Variants in PPP1R14C observed in about 807,000 individuals in gnomAD.
PPP1R14C encodes the protein protein phosphatase 1 regulatory inhibitor subunit 14C, also known as protein phosphatase 1 regulatory subunit 14C.
A neutral mutation model predicts 20.4 loss-of-function variants in PPP1R14C; 16 were observed. That is an observed-to-expected ratio of 0.78 (90% CI 0.53 to 1.19). The LOEUF (loss-of-function observed/expected upper bound fraction) is 1.19, where lower values mean the gene tolerates loss of function less well. Among genes scored for constraint, PPP1R14C ranks in the 50% most tolerant of loss-of-function variants. The probability of loss-of-function intolerance (pLI) is 0.00; values close to 1 mark genes in which losing one functional copy is unlikely to be tolerated. For missense variants in PPP1R14C, 211 were observed against 220.1 expected (o/e 0.96, Z 0.26); for synonymous variants, 91 against 91.0 (o/e 1.00, Z 0.00).
chr6:150,220,695 A>G (rs1428983336), intron 3 of PPP1R14C, among the ~76,000 whole-genome samples: 1 of 152,232 alleles, frequency 6.6e-6, no homozygotes, highest in East Asian at 1.9e-4. Flanking sequence ...TTGGACTTGC[A>G]GATTTCTCTT....
chr6:150,186,099 C>T (rs9384228), intron 1 of PPP1R14C, among the ~76,000 whole-genome samples: 5,139 of 152,152 alleles, frequency 0.034, 163 homozygotes, highest in East Asian at 0.09. Context: ...GATGGGTTTG[C>T]GATAAATGGA....
chr6:150,243,266 C>T (rs2079613548), intron 3 of PPP1R14C, among the ~76,000 whole-genome samples: 1 of 151,606 alleles, frequency 6.6e-6, no homozygotes, highest in African/African-American at 2.4e-5. Flanking sequence ...ACCTCCGCCT[C>T]CCGGGTTCAA....
At chr6:150,147,415 T>G (rs1407323414) in intron 1 of PPP1R14C, among the ~76,000 whole-genome samples, 1 of 152,142 alleles carries the variant, frequency 6.6e-6, no homozygotes. Context: ...CCTGATCTCA[T>G]GATCCGACTG....
intron 1 of PPP1R14C, chr6:150,195,854 T>A: frequency 1.0e-6 from 1 of 985,376 alleles, no homozygotes; most frequent in Non-Finnish European, 1.2e-6. Context: ...CACAGAGCTA[T>A]GGGAGGCCAG....
intron 1 of PPP1R14C, among the ~76,000 whole-genome samples, chr6:150,169,353 CCTTA>C (rs1777472849): frequency 6.6e-6 from 1 of 151,812 alleles, no homozygotes; most frequent in Non-Finnish European, 1.5e-5. Flanking sequence ...TTGTCTTTTT[CCTTA>C]CTTCCTGAAA....
rs542434998 is a variant in PPP1R14C at position 150,214,780 on chromosome 6, G to T, written c.343G>T (p.Asp115Tyr). The change falls in exon 2 of 4, where the codon GAT becomes TAT. Residue 115 changes from aspartate to tyrosine, a missense_variant. Coordinates refer to ENST00000361131, the MANE Select transcript of PPP1R14C (RefSeq NM_030949.3). The part of the protein sequence containing the change: ...EMPEVEIDID[D>Y]LLDADSDEER... ...GCCAGAGGTAGAAATTGACATTGAT[G>T]ATCTTCTTGATGCAGACAGTGATGA... 5.6e-6 allele frequency: 9 copies of T among 1,613,216 alleles called. No homozygotes were observed. In the African/African-American group the frequency reaches 1.2e-4, roughly 22 times the overall value.
At chr6:150,188,876 T>A (rs1777709321) in intron 1 of PPP1R14C, among the ~76,000 whole-genome samples, 1 of 151,784 alleles carries the variant, frequency 6.6e-6, no homozygotes, top group Non-Finnish European at 1.5e-5. Flanking sequence ...TATTAATTTT[T>A]TAGACAGATT....
chr6:150,172,359 G>A (rs1777509393), intron 1 of PPP1R14C, among the ~76,000 whole-genome samples: 1 of 152,156 alleles, frequency 6.6e-6, no homozygotes, highest in Admixed American at 6.5e-5. Flanking sequence ...GTAACCCCCA[G>A]CATTGGTGCT....
intron 1 of PPP1R14C, among the ~76,000 whole-genome samples, chr6:150,174,621 T>G (rs1312852368): frequency 6.6e-6 from 1 of 152,094 alleles, no homozygotes; most frequent in Non-Finnish European, 1.5e-5. Flanking sequence ...ATATTCAGTG[T>G]TCAACGGTGT....
Position 150,149,845 on chromosome 6 carries a change from G to C in PPP1R14C, c.306+6347G>C, listed in dbSNP as rs1010905106. Among the ~76,000 whole-genome samples, 8 of 152,176 alleles carry C rather than the reference G, an allele frequency of 5.3e-5. No homozygotes were observed. The East Asian group carries it at 1.3e-3, about 26-fold the overall frequency. Reference sequence around the variant, plus strand: ...AGAGTATAGGGTTACTTTAGGGTCAGGGGTGTTGGTGTATGTTTGAACTTG... The same window carrying C: ...AGAGTATAGGGTTACTTTAGGGTCACGGGTGTTGGTGTATGTTTGAACTTG... On this transcript the variant is annotated intron_variant, in intron 1 of 3. Transcript: ENST00000361131.
chr6:150,160,811 G>T (rs1283114902), intron 1 of PPP1R14C, among the ~76,000 whole-genome samples: 1 of 151,940 alleles, frequency 6.6e-6, no homozygotes, highest in Non-Finnish European at 1.5e-5. Flanking sequence ...GTTTCGATTG[G>T]TTCCTGTGTT....
rs562991938 is a variant in PPP1R14C at position 150,218,320 on chromosome 6, G to A, written c.423+1464G>A. Among the ~76,000 whole-genome samples, 5 of 152,030 alleles carry A rather than the reference G, an allele frequency of 3.3e-5. No homozygotes were observed. In the East Asian group the frequency reaches 9.7e-4, roughly 29 times the overall value. ...CGGGAGGCTGAGGCAGGAGAATGGC[G>A]TGAACCTGGGAGGCGGAGCTTGCAG... On this transcript the variant is annotated intron_variant, in intron 3 of 3. Coordinates refer to ENST00000361131, the MANE Select transcript of PPP1R14C (RefSeq NM_030949.3).
At chr6:150,216,530 G>A (rs529329721) in intron 2 of PPP1R14C, among the ~76,000 whole-genome samples, 1 of 150,724 alleles carries the variant, frequency 6.6e-6, no homozygotes, top group South Asian at 2.1e-4. Context: ...CTGGTCAAGG[G>A]TTATATTTTG....
intron 1 of PPP1R14C, among the ~76,000 whole-genome samples, chr6:150,153,616 G>A (rs1777274801): frequency 6.6e-6 from 1 of 152,222 alleles, no homozygotes; most frequent in South Asian, 2.1e-4. Flanking sequence ...AAGAATGAAA[G>A]CCTGGATTCC....
intron 1 of PPP1R14C, among the ~76,000 whole-genome samples, chr6:150,210,795 C>T (rs1778014763): frequency 6.6e-6 from 1 of 152,138 alleles, no homozygotes; most frequent in Non-Finnish European, 1.5e-5. Context: ...GGCGTGTTCC[C>T]TGCTGCTTTC....
At chr6:150,217,863 C>T (rs1778114787) in intron 3 of PPP1R14C, among the ~76,000 whole-genome samples, 1 of 152,186 alleles carries the variant, frequency 6.6e-6, no homozygotes, top group South Asian at 2.1e-4. Flanking sequence ...GGGAGGAAAG[C>T]ATGCTTTTAC....
chr6:150,191,052 C>G (rs1777736009), intron 1 of PPP1R14C, among the ~76,000 whole-genome samples: 1 of 152,198 alleles, frequency 6.6e-6, no homozygotes, highest in African/African-American at 2.4e-5. Flanking sequence ...ACTCTCTCTG[C>G]TCCCGACATT....
At chr6:150,231,516 C>T (rs949272491) in intron 3 of PPP1R14C, among the ~76,000 whole-genome samples, 3 of 152,182 alleles carry the variant, frequency 2.0e-5, no homozygotes, top group Non-Finnish European at 4.4e-5. Flanking sequence ...ATTTCAGTGT[C>T]TCCTCTCTCT....
At chr6:150,147,470 G>A (rs979368674) in intron 1 of PPP1R14C, among the ~76,000 whole-genome samples, 9 of 151,924 alleles carry the variant, frequency 5.9e-5, no homozygotes, top group Admixed American at 1.3e-4. Context: ...GAGCCACCGC[G>A]CCCAGCCAAC....
Sources: gnomAD v4.1 joint callset for allele counts (sites outside exome capture counted in the v4.1 genomes callset) on GRCh38, gnomAD v4.1.1 for gene constraint, MANE v1.5 for transcripts, NCBI Gene and HGNC (gene_info 2026-07-23, HGNC 2026-07-21) for gene names.